The following ARHGAP19 variants were observed in gnomAD, a reference collection of about 807,000 sequenced individuals.
The protein encoded by ARHGAP19 is Rho GTPase activating protein 19.
Under a neutral mutation model 60.9 loss-of-function variants are expected in ARHGAP19, and 48 were observed. The ratio of observed to expected loss-of-function variants is 0.79; its 90% CI spans 0.62 to 1.00. ARHGAP19 has a LOEUF of 1.00. Ranked by LOEUF, ARHGAP19 falls within the 50% of genes least tolerant of loss-of-function variation. The pLI is 0.00. For missense variants in ARHGAP19, 562 were observed against 597.2 expected, an observed-to-expected ratio of 0.94 and a Z score of 0.61; for synonymous variants, 209 against 215.5, an observed-to-expected ratio of 0.97 and a Z score of 0.27.
chr10:97,226,193 T>C, intron 11 of ARHGAP19, 61 bp from the exon 12 acceptor site: 1 of 1,569,642 alleles, frequency 6.4e-7, no homozygotes, highest in East Asian at 2.2e-5. Context: ...TTTGCAAACA[T>C]CCCACTCAAA....
At chr10:97,290,806 C>T (rs1422186072) in intron 1 of ARHGAP19, among the ~76,000 whole-genome samples, 1 of 152,138 alleles carries the variant, frequency 6.6e-6, no homozygotes, top group Non-Finnish European at 1.5e-5. Context: ...ATGTTAATGA[C>T]ATCGAAGGCA....
intron 4 of ARHGAP19, among the ~76,000 whole-genome samples, chr10:97,259,996 C>T (rs933568625): frequency 5.3e-5 from 8 of 151,588 alleles, no homozygotes; most frequent in Admixed American, 2.0e-4. Flanking sequence ...CCACCACGCC[C>T]GGCTAATTTT....
intron 6 of ARHGAP19, among the ~76,000 whole-genome samples, chr10:97,251,880 A>T (rs990618453): frequency 1.3e-5 from 2 of 150,138 alleles, no homozygotes; most frequent in African/African-American, 4.9e-5. Flanking sequence ...TTAGACAAAT[A>T]GGCTTACATG....
At chr10:97,246,905 A>G (rs1268138895) in intron 6 of ARHGAP19, among the ~76,000 whole-genome samples, 1 of 152,154 alleles carries the variant, frequency 6.6e-6, no homozygotes, top group Non-Finnish European at 1.5e-5. Flanking sequence ...TGGGAGGCCA[A>G]GGTGGGTGGA....
intron 6 of ARHGAP19, among the ~76,000 whole-genome samples, chr10:97,251,285 A>G (rs1589455816): frequency 4.8e-5 from 1 of 21,024 alleles, no homozygotes; most frequent in Admixed American, 3.9e-4. Flanking sequence ...GGGAAGGGAA[A>G]AAGGAAGGGA....
chr10:97,260,945 A>AAAAAAAAAAAAGATC (rs1554864552), intron 4 of ARHGAP19, among the ~76,000 whole-genome samples: 5 of 151,220 alleles, frequency 3.3e-5, no homozygotes, highest in African/African-American at 1.2e-4. Flanking sequence ...AAAAAAAAAA[A>AAAAAAAAAAAAGATC]AAAAAAAAAA....
chr10:97,227,388 C>G (rs1204310242), intron 11 of ARHGAP19, among the ~76,000 whole-genome samples: 1 of 151,980 alleles, frequency 6.6e-6, no homozygotes, highest in Admixed American at 6.6e-5. Flanking sequence ...CAGAGCTGAG[C>G]AGTGGAAGGA....
intron 8 of ARHGAP19, among the ~76,000 whole-genome samples, 187 bp from the exon 9 acceptor site, chr10:97,235,502 C>T (rs928502777): frequency 1.3e-5 from 2 of 152,110 alleles, no homozygotes; most frequent in African/African-American, 4.8e-5. Context: ...GATTCAAGTG[C>T]TCTGAGGGGC....
chr10:97,280,728 C>T (rs1299854178), intron 1 of ARHGAP19, among the ~76,000 whole-genome samples: 1 of 152,010 alleles, frequency 6.6e-6, no homozygotes, highest in Non-Finnish European at 1.5e-5. Flanking sequence ...AGTGCTAAGA[C>T]TAAAGGTGTG....
intron 8 of ARHGAP19, among the ~76,000 whole-genome samples, chr10:97,235,557 T>C (rs1851115432): frequency 6.6e-6 from 1 of 152,150 alleles, no homozygotes; most frequent in Admixed American, 6.5e-5. Context: ...GTCCCCATTC[T>C]ACAGACAAAA....
intron 1 of ARHGAP19, among the ~76,000 whole-genome samples, chr10:97,283,756 T>C (rs1843117927): frequency 6.7e-6 from 1 of 149,730 alleles, no homozygotes. Flanking sequence ...GCACTTTGGG[T>C]TGCCAAGGTG....
At chr10:97,273,921 A>G (rs946268577) in intron 1 of ARHGAP19, among the ~76,000 whole-genome samples, 2 of 151,562 alleles carry the variant, frequency 1.3e-5, no homozygotes, top group African/African-American at 4.8e-5. Context: ...ATGTACAATC[A>G]CAGCTAAATC....
intron 6 of ARHGAP19, 118 bp from the exon 7 acceptor site, chr10:97,246,455 C>T: frequency 2.7e-6 from 2 of 750,754 alleles, no homozygotes; most frequent in Non-Finnish European, 4.4e-6. Context: ...TTTAAAAAGC[C>T]AAAGATCCTC....
chr10:97,235,676 A>C lies in ARHGAP19; in HGVS notation c.1186-361T>G, dbSNP rs112780344. 2.5e-3 allele frequency among the ~76,000 whole-genome samples: 379 copies of C among 152,316 alleles called. 2 individuals carry two copies. The highest frequency in any genetic ancestry group is 8.9e-3 in the African/African-American group (369 of 41,564). On this transcript the variant is annotated intron_variant, in intron 8 of 11. Coordinates refer to ENST00000358531, the MANE Select transcript of ARHGAP19 (RefSeq NM_032900.6). ...ACCACACAGTTACTGGCACAATCTA[A>C]AACAGTCCCTAATTTAACATAAATT...
At chr10:97,283,421 G>A (rs1843113010) in intron 1 of ARHGAP19, among the ~76,000 whole-genome samples, 2 of 151,908 alleles carry the variant, frequency 1.3e-5, no homozygotes, top group South Asian at 4.2e-4. Context: ...CAGCATGGTG[G>A]CGCATGCCTG....
intron 1 of ARHGAP19, among the ~76,000 whole-genome samples, chr10:97,267,360 A>C (rs781074334): frequency 6.0e-4 from 92 of 152,338 alleles, no homozygotes; most frequent in Middle Eastern, 3.4e-3. Flanking sequence ...TGCTGGGTAC[A>C]TCCCCATTCC....
intron 8 of ARHGAP19, among the ~76,000 whole-genome samples, chr10:97,238,647 T>G (rs1842420843): frequency 6.6e-6 from 1 of 152,232 alleles, no homozygotes; most frequent in Admixed American, 6.5e-5. Context: ...TTTTTGTGTT[T>G]TAAGCTAAGT....
At chr10:97,249,986 G>A (rs776610758) in intron 6 of ARHGAP19, among the ~76,000 whole-genome samples, 5 of 151,836 alleles carry the variant, frequency 3.3e-5, no homozygotes, top group South Asian at 2.1e-4. Flanking sequence ...GGGTTTCACC[G>A]TGTTAGCCAG....
At chr10:97,267,472 C>T (rs188451578) in intron 1 of ARHGAP19, among the ~76,000 whole-genome samples, 1,799 of 152,346 alleles carry the variant, frequency 0.012, 22 homozygotes, top group Non-Finnish European at 0.017. Flanking sequence ...TGGTGGCCCT[C>T]TTCTCACAAT....
Sources: allele counts gnomAD v4.1 joint callset (sites outside exome capture counted in the v4.1 genomes callset), GRCh38; gene constraint gnomAD v4.1.1; transcripts MANE v1.5; gene names NCBI Gene and HGNC (gene_info 2026-07-23, HGNC 2026-07-21).